SMAP2: variants seen among roughly 807,000 people sequenced by gnomAD.
SMAP2 encodes stromal membrane-associated protein 2.
SMAP2 carries 25 observed loss-of-function variants against 56.4 expected under a neutral mutation model. The ratio of observed to expected loss-of-function variants is 0.44; its 90% CI spans 0.32 to 0.62. The LOEUF (loss-of-function observed/expected upper bound fraction) is 0.62, where lower values mean the gene tolerates loss of function less well. SMAP2 is among the 20% of genes least tolerant of loss of function. The pLI is 0.04. For synonymous variants in SMAP2, 157 were observed against 181.7 expected (o/e 0.86, Z 1.09); for missense variants, 388 against 545.6 (o/e 0.71, Z 2.88).
In SMAP2 at chr1:40,374,631, G is replaced by C. The variant is rs977826074; in HGVS notation, c.103+408G>C. The stretch of plus-strand genomic sequence containing the variant: ...TGTGTGTGTGTGTGTGTGTGAGAGA[G>C]AGAGAGAGAGAATGACGAGGAGGAG... On this transcript the variant is annotated intron_variant, in intron 1 of 9. Transcript: ENST00000372718. This position sits in a 1 kb window ranked among gnomAD's most constrained non-coding sequence, Gnocchi z 5.9. The C allele has an allele frequency of 9.3e-6, 14 of 1,507,394 alleles. No individual in the cohort carries two copies. The African/African-American group carries it at 2.0e-4, about 21-fold the overall frequency. The allele number at this position is 1,507,394 out of a possible 1,614,324, so 93.4% of individuals were successfully genotyped here.
chr1:40,356,409 T>TG (rs1009434955), intron 1 of SMAP2, among the ~76,000 whole-genome samples: 20 of 150,640 alleles, frequency 1.3e-4, no homozygotes, highest in South Asian at 8.4e-4. Context: ...TTTTTTGTTT[T>TG]TTTTTGTTTT....
intron 1 of SMAP2, chr1:40,393,506 T>TAAGTTGA: frequency 6.5e-7 from 1 of 1,532,438 alleles, no homozygotes; most frequent in South Asian, 1.2e-5. Context: ...TGAGAGACTG[T>TAAGTTGA]AAGTTGATCA....
At chr1:40,420,390 CA>C (rs1645030705) in intron 9 of SMAP2, among the ~76,000 whole-genome samples, 1 of 151,908 alleles carries the variant, frequency 6.6e-6, no homozygotes, top group Non-Finnish European at 1.5e-5. Context: ...ATTTGAACAT[CA>C]AAAAGAGTAA....
chr1:40,347,302 G>C (rs373068481), intron 1 of SMAP2, among the ~76,000 whole-genome samples: 27 of 150,422 alleles, frequency 1.8e-4, no homozygotes, highest in African/African-American at 6.2e-4. Flanking sequence ...CGTTGGCCAG[G>C]CTGGTCTCGA....
At chr1:40,348,817 C>T (rs1177807109) in intron 1 of SMAP2, among the ~76,000 whole-genome samples, 1 of 152,028 alleles carries the variant, frequency 6.6e-6, no homozygotes, top group Non-Finnish European at 1.5e-5. Context: ...GTCGCCTAGG[C>T]TGGAGTATAG....
chr1:40,415,702 T>C (rs1644980424), intron 7 of SMAP2, among the ~76,000 whole-genome samples: 1 of 152,210 alleles, frequency 6.6e-6, no homozygotes, highest in East Asian at 1.9e-4. Flanking sequence ...TTGAAACCTT[T>C]AATGGCTACC....
At chr1:40,421,433 A>G (rs888180016) in intron 9 of SMAP2, among the ~76,000 whole-genome samples, 6 of 151,384 alleles carry the variant, frequency 4.0e-5, no homozygotes, top group Non-Finnish European at 7.4e-5. Context: ...CTTCTTATAC[A>G]CTGAAGACAC....
chr1:40,371,988 C>G (rs935948248), upstream of SMAP2, among the ~76,000 whole-genome samples: 28 of 152,170 alleles, frequency 1.8e-4, no homozygotes, highest in African/African-American at 6.8e-4. Flanking sequence ...AGCATTCTTG[C>G]CCCAGAGTCT....
chr1:40,413,298 G>A (rs774924266), intron 5 of SMAP2, among the ~76,000 whole-genome samples, 196 bp downstream of exon 5: 7 of 152,134 alleles, frequency 4.6e-5, no homozygotes, highest in Non-Finnish European at 8.8e-5. Flanking sequence ...GCTCTGTAAG[G>A]GCTTCGCTTT....
chr1:40,413,292 T>C (rs1644955639), intron 5 of SMAP2, among the ~76,000 whole-genome samples, 190 bp downstream of exon 5: 2 of 152,192 alleles, frequency 1.3e-5, no homozygotes, highest in Admixed American at 6.5e-5. Context: ...AAATCTGCTC[T>C]GTAAGGGCTT....
At chr1:40,389,714 G>T (rs185237032) in intron 1 of SMAP2, among the ~76,000 whole-genome samples, 1 of 152,362 alleles carries the variant, frequency 6.6e-6, no homozygotes, top group African/African-American at 2.4e-5. Context: ...GTAGCATGAA[G>T]TGTGAAACAG....
intron 1 of SMAP2, among the ~76,000 whole-genome samples, chr1:40,378,426 G>A (rs151025891): frequency 3.3e-5 from 5 of 152,178 alleles, no homozygotes; most frequent in Non-Finnish European, 7.3e-5. Context: ...TTAGTGTCAA[G>A]GTTTGTGAGA....
upstream of SMAP2, among the ~76,000 whole-genome samples, chr1:40,369,441 C>A (rs1243665313): frequency 6.6e-6 from 1 of 150,578 alleles, no homozygotes; most frequent in Non-Finnish European, 1.5e-5. Flanking sequence ...ATCACACTAC[C>A]TGACTTCAAA....
At chr1:40,365,038 G>C in intron 2 of SMAP2, 1 of 224,320 alleles carries the variant, frequency 4.5e-6, no homozygotes, top group South Asian at 7.8e-5. Flanking sequence ...TGTGGCTGTT[G>C]GCCATGTGAA....
intron 1 of SMAP2, among the ~76,000 whole-genome samples, chr1:40,347,637 G>A (rs1644394644): frequency 6.6e-6 from 1 of 152,076 alleles, no homozygotes; most frequent in Non-Finnish European, 1.5e-5. Flanking sequence ...TGAGTAGCTG[G>A]GATTACAGGC....
intron 1 of SMAP2, among the ~76,000 whole-genome samples, chr1:40,388,664 G>C (rs1269752556): frequency 1.3e-5 from 2 of 152,164 alleles, no homozygotes; most frequent in African/African-American, 4.8e-5. Flanking sequence ...AGACCGCTCC[G>C]CTCTACCAAT....
At chr1:40,357,686 T>A (rs1275645140) in intron 1 of SMAP2, among the ~76,000 whole-genome samples, 1 of 152,204 alleles carries the variant, frequency 6.6e-6, no homozygotes, top group East Asian at 1.9e-4. Flanking sequence ...AGAGACTGTT[T>A]TTTCCCCAGT....
intron 1 of SMAP2, among the ~76,000 whole-genome samples, chr1:40,384,864 T>C (rs899863231): frequency 6.6e-6 from 1 of 152,212 alleles, no homozygotes; most frequent in African/African-American, 2.4e-5. Context: ...CCATTTCAAC[T>C]TAAGAGGTCC....
In SMAP2 at chr1:40,384,559, T is replaced by C. The variant is rs201831723; in HGVS notation, c.103+10336T>C. Among the ~76,000 whole-genome samples the C allele has an allele frequency of 3.9e-5, 6 of 152,282 alleles. No homozygotes were observed. In the East Asian group the frequency reaches 1.2e-3, roughly 29 times the overall value. ...ATCAGGTCACCTGCATTTGGGCCCT[T>C]GCTATATTAATGGAATTGGTGGAAC... On this transcript the variant is annotated intron_variant, in intron 1 of 9. Transcript: ENST00000372718.
Sources: gnomAD v4.1 joint callset for allele counts (sites outside exome capture counted in the v4.1 genomes callset) on GRCh38, gnomAD v4.1.1 for gene constraint, Gnocchi (gnomAD v3.1) non-coding constraint, MANE v1.5 for transcripts, NCBI Gene and HGNC (gene_info 2026-07-23, HGNC 2026-07-21) for gene names.